Variants in CENPU observed in about 807,000 individuals in gnomAD.
CENPU encodes the protein KSHV latent nuclear antigen interacting protein 1.
Under a neutral mutation model 56.7 loss-of-function variants are expected in CENPU, and 46 were observed. That is an observed-to-expected ratio of 0.81 (90% CI 0.64 to 1.04). The LOEUF is 1.04. Ranked by LOEUF, CENPU falls within the 50% of genes least tolerant of loss-of-function variation. The probability of loss-of-function intolerance (pLI) is 0.00; values close to 1 mark genes in which losing one functional copy is unlikely to be tolerated. For missense variants in CENPU, 510 were observed against 490.1 expected (o/e 1.04, Z -0.38); for synonymous variants, 166 against 163.0 (o/e 1.02, Z -0.14).
At chr4:184,730,382 G>A (rs1160893074) in intron 2 of CENPU, among the ~76,000 whole-genome samples, 1 of 151,724 alleles carries the variant, frequency 6.6e-6, no homozygotes, top group African/African-American at 2.4e-5. Flanking sequence ...GAAAGCCCAG[G>A]GCAGAACAAG....
chr4:184,725,988 G>GT (rs1761437567), intron 3 of CENPU, among the ~76,000 whole-genome samples: 1 of 152,196 alleles, frequency 6.6e-6, no homozygotes, highest in African/African-American at 2.4e-5. Context: ...CTGAACTGCT[G>GT]TAAGGGGGCC....
Position 184,734,059 on chromosome 4 carries a change from C to T in CENPU, c.4G>A (p.Ala2Thr), listed in dbSNP as rs1311831451. 1 of 1,561,460 alleles carries T rather than the reference C, an allele frequency of 6.4e-7. No homozygotes were observed. The highest frequency in any genetic ancestry group is 2.4e-5 in the East Asian group (1 of 41,840). ...CGCGGCCGCCGCCGCCCCCGCGGGGCCATGGTGCCGCTCTCCGCTCTCGAG... is the reference window on the plus strand; with the variant it reads ...CGCGGCCGCCGCCGCCCCCGCGGGGTCATGGTGCCGCTCTCCGCTCTCGAG... Reference protein sequence around the residue: MAPRGRRRPRPH... With the variant: MTPRGRRRPRPH... The change falls in exon 1 of 13, where the codon GCC (alanine) becomes ACC (threonine). Residue 2 changes from alanine to threonine, a missense_variant. Physicochemically the swap from Ala to Thr is moderately conservative, Grantham distance 58 (BLOSUM62 0). Transcript: ENST00000281453.
intron 8 of CENPU, among the ~76,000 whole-genome samples, chr4:184,705,062 C>T (rs1425582164): frequency 6.6e-6 from 1 of 152,168 alleles, no homozygotes; most frequent in Non-Finnish European, 1.5e-5. Context: ...CCAACAACTG[C>T]ACTCTTGGGC....
intron 3 of CENPU, among the ~76,000 whole-genome samples, chr4:184,727,792 C>A (rs1248759504): frequency 1.3e-5 from 2 of 152,210 alleles, no homozygotes; most frequent in African/African-American, 4.8e-5. Flanking sequence ...TATATCCAAA[C>A]AATGGAGTAT....
intron 3 of CENPU, among the ~76,000 whole-genome samples, chr4:184,726,647 G>C (rs1033584578): frequency 7.9e-5 from 12 of 152,108 alleles, no homozygotes; most frequent in African/African-American, 2.4e-4. Flanking sequence ...AGAGGAGAAA[G>C]CAGGGACTCA....
intron 3 of CENPU, among the ~76,000 whole-genome samples, chr4:184,726,866 A>T (rs1405955129): frequency 1.3e-5 from 2 of 150,766 alleles, no homozygotes; most frequent in African/African-American, 2.5e-5. Flanking sequence ...AGGCAGGTGG[A>T]CCACCTGAGG....
At chr4:184,708,077 A>G (rs537722677) in intron 8 of CENPU, among the ~76,000 whole-genome samples, 1 of 152,142 alleles carries the variant, frequency 6.6e-6, no homozygotes, top group South Asian at 2.1e-4. Flanking sequence ...ACAAAAAATT[A>G]GCTGGGCGTG....
chr4:184,710,004 G>C, intron 8 of CENPU, 68 bp downstream of exon 8: 2 of 737,852 alleles, frequency 2.7e-6, no homozygotes, highest in South Asian at 2.2e-5. Flanking sequence ...AAAAACTGTA[G>C]GATGAGCAAA....
intron 8 of CENPU, among the ~76,000 whole-genome samples, chr4:184,704,086 C>CT (rs368391994): frequency 9.2e-4 from 135 of 147,318 alleles, no homozygotes; most frequent in East Asian, 3.8e-3. Context: ...CATACTTCAT[C>CT]TTTTTTTTTT....
At chr4:184,714,395 A>C (rs955033402) in intron 6 of CENPU, among the ~76,000 whole-genome samples, 12 of 152,220 alleles carry the variant, frequency 7.9e-5, no homozygotes, top group Admixed American at 2.0e-4. Flanking sequence ...TTTCTTAAAA[A>C]AACAACTCTT....
chr4:184,719,234 T>C (rs1025595817), intron 4 of CENPU, among the ~76,000 whole-genome samples: 1 of 152,182 alleles, frequency 6.6e-6, no homozygotes, highest in Admixed American at 6.5e-5. Context: ...GACTTCCCAC[T>C]GCTGAAAGAG....
Position 184,694,368 on chromosome 4 carries a change from A to T in CENPU, c.*920T>A, listed in dbSNP as rs552539667. ...CGTTTGAATCAGTGCACTCATTCCC[A>T]CGGTGAGATATCGGAGACAGCATTC... is the stretch of plus-strand genomic sequence containing the variant. On this transcript the variant is annotated 3_prime_UTR_variant, in exon 13 of 13. Transcript: ENST00000281453. 6 of 1,410,832 alleles carry T rather than the reference A, an allele frequency of 4.3e-6. No homozygotes were observed. The African/African-American group carries it at 5.8e-5, about 14-fold the overall frequency. 87.4% of individuals were successfully genotyped at this position (1,410,832 alleles called of 1,614,324 possible).
chr4:184,732,372 C>T (rs1468641861), intron 1 of CENPU, among the ~76,000 whole-genome samples: 4 of 152,140 alleles, frequency 2.6e-5, no homozygotes, highest in Non-Finnish European at 4.4e-5. Flanking sequence ...GATTCAGTCC[C>T]TCTGGGGTGA....
At chr4:184,700,061 T>C (rs1760480495) in intron 11 of CENPU, among the ~76,000 whole-genome samples, 2 of 152,236 alleles carry the variant, frequency 1.3e-5, no homozygotes, top group South Asian at 4.1e-4. Flanking sequence ...TCTCAAGCTA[T>C]TTTTAAGCTC....
chr4:184,708,141 T>G (rs1366017103), intron 8 of CENPU, among the ~76,000 whole-genome samples: 1 of 148,698 alleles, frequency 6.7e-6, no homozygotes, highest in East Asian at 2.0e-4. Context: ...GGTGAATCGC[T>G]TGAACCTGGG....
intron 2 of CENPU, 150 bp from the exon 3 acceptor site, chr4:184,729,185 T>G (rs1173240810): frequency 8.2e-6 from 5 of 612,646 alleles, no homozygotes; most frequent in African/African-American, 1.8e-5. Context: ...CCTGATTGGG[T>G]CATTATACAA....
Position 184,694,179 on chromosome 4 carries a change from A to T in CENPU, c.*1109T>A. 1 of 1,027,188 alleles carries T rather than the reference A, an allele frequency of 9.7e-7. No individual in the cohort carries two copies. The highest frequency in any genetic ancestry group is 1.7e-5 in the African/African-American group (1 of 59,044). 63.6% of individuals were successfully genotyped at this position (1,027,188 alleles called of 1,614,324 possible). On this transcript the variant is annotated 3_prime_UTR_variant, in exon 13 of 13. Transcript: ENST00000281453. ...CATGGGTACTAAGTCCATTGTCAAG[A>T]TAGCAAATTTATCTTCTGATTTGTC... is the stretch of plus-strand genomic sequence containing the variant.
intron 8 of CENPU, among the ~76,000 whole-genome samples, chr4:184,708,703 C>T (rs1760815238): frequency 6.6e-6 from 1 of 152,108 alleles, no homozygotes; most frequent in Non-Finnish European, 1.5e-5. Context: ...TCCAGCTAAG[C>T]TGTCATTCAA....
chr4:184,725,457 C>T (rs1411542214), intron 3 of CENPU, among the ~76,000 whole-genome samples: 2 of 152,224 alleles, frequency 1.3e-5, no homozygotes, highest in Non-Finnish European at 2.9e-5. Flanking sequence ...AGGCACATGC[C>T]ACCATGCCCA....
Sources: allele counts gnomAD v4.1 joint callset (sites outside exome capture counted in the v4.1 genomes callset), GRCh38; gene constraint gnomAD v4.1.1; transcripts MANE v1.5; gene names NCBI Gene and HGNC (gene_info 2026-07-23, HGNC 2026-07-21).